The following SH3BGRL2 variants were observed in gnomAD, a reference collection of about 807,000 sequenced individuals.
SH3BGRL2 encodes the protein SH3 domain binding glutamate rich protein like 2.
A neutral mutation model predicts 14.8 loss-of-function variants in SH3BGRL2; 21 were observed. The observed-to-expected ratio is 1.42, with a 90% CI of 1.01 to 2.05. The LOEUF (loss-of-function observed/expected upper bound fraction) is 2.05. Among genes scored for constraint, SH3BGRL2 ranks in the 30% most tolerant of loss-of-function variants. SH3BGRL2 has a pLI of 0.00. For missense variants in SH3BGRL2, 147 were observed against 130.8 expected (o/e 1.12, Z -0.61); for synonymous variants, 50 against 47.8 (o/e 1.05, Z -0.19).
the SH3BGRL2 span, among the ~76,000 whole-genome samples, chr6:79,619,865 T>TA: frequency 6.6e-6 from 1 of 152,206 alleles, no homozygotes; most frequent in Non-Finnish European, 1.5e-5. Flanking sequence ...AAGGCAATTT[T>TA]AAAAAAGAAA....
At chr6:79,682,912 A>C (rs1015991978) in intron 2 of SH3BGRL2, among the ~76,000 whole-genome samples, 4 of 152,218 alleles carry the variant, frequency 2.6e-5, no homozygotes, top group African/African-American at 9.6e-5. Flanking sequence ...GACATGGATG[A>C]AGCTGGAAAC....
upstream of SH3BGRL2, among the ~76,000 whole-genome samples, chr6:79,629,967 T>G (rs995837876): frequency 1.3e-5 from 2 of 152,190 alleles, no homozygotes; most frequent in Admixed American, 6.5e-5. Context: ...ATATAGGAAA[T>G]ACGGTATCTA....
chr6:79,580,969 C>G, the SH3BGRL2 span, among the ~76,000 whole-genome samples: 5 of 152,116 alleles, frequency 3.3e-5, no homozygotes, highest in East Asian at 7.7e-4. Flanking sequence ...CATCACTGAT[C>G]CCACAGAAAT....
upstream of SH3BGRL2, among the ~76,000 whole-genome samples, chr6:79,628,065 T>C (rs6914690): frequency 0.098 from 14,895 of 152,214 alleles, 1,034 homozygotes; most frequent in East Asian, 0.3. Context: ...GGCATTTTCA[T>C]ATTTTCCAAT....
the SH3BGRL2 span, among the ~76,000 whole-genome samples, chr6:79,613,003 C>A: frequency 6.6e-6 from 1 of 152,182 alleles, no homozygotes; most frequent in African/African-American, 2.4e-5. Context: ...CCTGCCATCA[C>A]CAGCTTGTGG....
At chr6:79,613,650 G>A in the SH3BGRL2 span, among the ~76,000 whole-genome samples, 2 of 151,498 alleles carry the variant, frequency 1.3e-5, no homozygotes, top group Non-Finnish European at 1.5e-5. Context: ...TCACTTTGTT[G>A]CCAAGGCTGG....
chr6:79,597,704 A>G, the SH3BGRL2 span, among the ~76,000 whole-genome samples: 1 of 152,180 alleles, frequency 6.6e-6, no homozygotes, highest in African/African-American at 2.4e-5. Context: ...TGAACATGGC[A>G]ATGATTTCTT....
At chr6:79,577,706 A>T in the SH3BGRL2 span, among the ~76,000 whole-genome samples, 1 of 152,234 alleles carries the variant, frequency 6.6e-6, no homozygotes, top group Non-Finnish European at 1.5e-5. Context: ...AGTGTGATCA[A>T]TGCAGAAGAC....
intron 2 of SH3BGRL2, among the ~76,000 whole-genome samples, chr6:79,677,758 A>T (rs1362360926): frequency 2.0e-5 from 3 of 152,176 alleles, no homozygotes; most frequent in Non-Finnish European, 4.4e-5. Context: ...AGTTATTTGC[A>T]TCAAGAACCC....
chr6:79,697,997 G>A (rs1366853946), intron 3 of SH3BGRL2, among the ~76,000 whole-genome samples: 6 of 152,090 alleles, frequency 3.9e-5, no homozygotes, highest in African/African-American at 1.4e-4. Flanking sequence ...GGAAATCTAT[G>A]GTCTATGAAA....
chr6:79,648,635 G>A (rs545748422), intron 1 of SH3BGRL2, among the ~76,000 whole-genome samples: 17 of 151,874 alleles, frequency 1.1e-4, no homozygotes, highest in African/African-American at 3.4e-4. Context: ...AGTTCTTCAC[G>A]GTTAGGGACC....
the SH3BGRL2 span, among the ~76,000 whole-genome samples, chr6:79,598,937 C>T: frequency 7.3e-5 from 11 of 151,668 alleles, no homozygotes; most frequent in East Asian, 5.8e-4. Flanking sequence ...CAAAATTAGC[C>T]GGGTGTGGTG....
At chr6:79,563,660 A>G in the SH3BGRL2 span, among the ~76,000 whole-genome samples, 1 of 152,104 alleles carries the variant, frequency 6.6e-6, no homozygotes, top group African/African-American at 2.4e-5. Context: ...CCACCCACCA[A>G]ATATGTGAGT....
At chr6:79,539,236 A>G in the SH3BGRL2 span, among the ~76,000 whole-genome samples, 270 of 152,338 alleles carry the variant, frequency 1.8e-3, 2 homozygotes, top group African/African-American at 6.2e-3. Flanking sequence ...AGGTTACCCC[A>G]AAATATGAGA....
At chr6:79,547,965 A>T in the SH3BGRL2 span, among the ~76,000 whole-genome samples, 1 of 152,148 alleles carries the variant, frequency 6.6e-6, no homozygotes, top group Non-Finnish European at 1.5e-5. Flanking sequence ...TCCTAGGCTC[A>T]AGCAGTCCTC....
chr6:79,598,760 A>C, the SH3BGRL2 span, among the ~76,000 whole-genome samples: 1 of 152,194 alleles, frequency 6.6e-6, no homozygotes, highest in Non-Finnish European at 1.5e-5. Flanking sequence ...TTATATCTTA[A>C]TGAAGTTATA....
chr6:79,564,124 A>G, the SH3BGRL2 span, among the ~76,000 whole-genome samples: 16 of 152,130 alleles, frequency 1.1e-4, no homozygotes, highest in African/African-American at 3.4e-4. Flanking sequence ...GTAGTGAAAC[A>G]ATTAATAAAA....
intron 2 of SH3BGRL2, among the ~76,000 whole-genome samples, chr6:79,675,036 TG>T (rs540098341): frequency 4.7e-4 from 72 of 152,268 alleles, no homozygotes; most frequent in Middle Eastern, 3.4e-3. Flanking sequence ...ATTTTATTCA[TG>T]ATTACCAAGG....
At chr6:79,688,833 A>G (rs1770152858) in intron 2 of SH3BGRL2, among the ~76,000 whole-genome samples, 1 of 152,124 alleles carries the variant, frequency 6.6e-6, no homozygotes. Flanking sequence ...CATGCATTTA[A>G]CTTATCTCTA....
Sources: gnomAD v4.1 joint callset for allele counts (sites outside exome capture counted in the v4.1 genomes callset) on GRCh38, gnomAD v4.1.1 for gene constraint, MANE v1.5 for transcripts, NCBI Gene and HGNC (gene_info 2026-07-23, HGNC 2026-07-21) for gene names.